Variants in TAMM41 observed in about 807,000 individuals in gnomAD.
TAMM41 encodes the protein TAM41 mitochondrial translocator assembly and maintenance homolog, also known as phosphatidate cytidylyltransferase, mitochondrial.
In TAMM41, 36 loss-of-function variants were observed where a neutral mutation model predicts 44.1. That is an observed-to-expected ratio of 0.82 (90% confidence interval 0.63 to 1.08). The LOEUF (loss-of-function observed/expected upper bound fraction) is 1.08, where lower values mean the gene tolerates loss of function less well. TAMM41 is among the 50% of genes least tolerant of loss of function. The pLI, the probability that TAMM41 is intolerant of heterozygous loss-of-function variation, is 0.00. For missense variants in TAMM41, 417 were observed against 404.3 expected (o/e 1.03, Z -0.27); for synonymous variants, 164 against 153.1 (o/e 1.07, Z -0.53).
chr3:11,732,292 C>T, the TAMM41 span, among the ~76,000 whole-genome samples: 2 of 150,682 alleles, frequency 1.3e-5, no homozygotes, highest in Non-Finnish European at 3.0e-5. Flanking sequence ...GCCTTCCTCC[C>T]TTTCTTCTTT....
chr3:11,763,622 T>A, the TAMM41 span, among the ~76,000 whole-genome samples: 1 of 152,222 alleles, frequency 6.6e-6, no homozygotes, highest in Non-Finnish European at 1.5e-5. Context: ...AGCCTCCAAC[T>A]AAGAAAATCA....
intron 4 of TAMM41, among the ~76,000 whole-genome samples, chr3:11,819,255 C>A (rs1333141249): frequency 6.6e-6 from 1 of 152,154 alleles, no homozygotes; most frequent in Non-Finnish European, 1.5e-5. Context: ...GTAACGTTTA[C>A]CGAGCATCTG....
At chr3:11,803,117 C>T (rs1220511385) in intron 7 of TAMM41, among the ~76,000 whole-genome samples, 1 of 152,100 alleles carries the variant, frequency 6.6e-6, no homozygotes, top group African/African-American at 2.4e-5. Context: ...ACTAAAAATA[C>T]AAAAATTAGC....
the TAMM41 span, among the ~76,000 whole-genome samples, chr3:11,729,747 AC>A: frequency 1.3e-5 from 2 of 150,954 alleles, no homozygotes; most frequent in Non-Finnish European, 3.0e-5. Flanking sequence ...TTTAGTAGAG[AC>A]AGAGTTTCAC....
the TAMM41 span, among the ~76,000 whole-genome samples, chr3:11,742,420 G>T: frequency 6.7e-6 from 1 of 150,330 alleles, no homozygotes; most frequent in Non-Finnish European, 1.5e-5. Flanking sequence ...GCATCAGTAG[G>T]CCTTTCCTTT....
chr3:11,807,352 T>C lies in TAMM41; in HGVS notation c.937+481A>G, dbSNP rs567951767. The C allele has an allele frequency of 1.5e-5, 22 of 1,476,392 alleles. No homozygotes were observed. The African/African-American group carries it at 2.1e-4, about 14-fold the overall frequency. 91.5% of individuals were successfully genotyped at this position (1,476,392 alleles called of 1,614,324 possible). On this transcript the variant is annotated intron_variant, in intron 7 of 7. Transcript: ENST00000455809. ...GCCAGAGTTGACTTCTAACCTCCCA[T>C]AGAGAGAAGTCAATAGATGATACCT... is the stretch of plus-strand genomic sequence containing the variant.
At chr3:11,749,952 C>T in the TAMM41 span, among the ~76,000 whole-genome samples, 1 of 149,982 alleles carries the variant, frequency 6.7e-6, no homozygotes, top group Admixed American at 6.7e-5. Context: ...GGCTGGAGTG[C>T]AGTGGCACGA....
chr3:11,788,464 C>CT (rs1341855253), downstream of TAMM41, among the ~76,000 whole-genome samples: 2 of 152,068 alleles, frequency 1.3e-5, no homozygotes, highest in Non-Finnish European at 2.9e-5. Flanking sequence ...TTGAAAAAAA[C>CT]TTTTTGTAGT....
At chr3:11,767,178 C>T in the TAMM41 span, among the ~76,000 whole-genome samples, 8 of 152,196 alleles carry the variant, frequency 5.3e-5, no homozygotes, top group South Asian at 2.1e-4. Flanking sequence ...AAGCAATTCT[C>T]GTGCCTCAGC....
intron 3 of TAMM41, among the ~76,000 whole-genome samples, chr3:11,833,712 C>T (rs2079071000): frequency 6.6e-6 from 1 of 152,214 alleles, no homozygotes; most frequent in Admixed American, 6.5e-5. Context: ...ATTTCAAACG[C>T]TAGCGGCCCA....
At chr3:11,781,236 C>A in the TAMM41 span, among the ~76,000 whole-genome samples, 1 of 152,216 alleles carries the variant, frequency 6.6e-6, no homozygotes, top group East Asian at 1.9e-4. Flanking sequence ...GACAGTTATA[C>A]AAGGAGTTGG....
At chr3:11,808,257 A>C in intron 6 of TAMM41, 3 of 1,074,118 alleles carry the variant, frequency 2.8e-6, no homozygotes, top group Non-Finnish European at 3.4e-6. Context: ...TAAAAACCAA[A>C]TGATTACATC....
At chr3:11,837,831 A>C (rs1460240975) in intron 3 of TAMM41, among the ~76,000 whole-genome samples, 3 of 152,048 alleles carry the variant, frequency 2.0e-5, no homozygotes, top group Admixed American at 6.6e-5. Context: ...CCTTCCCCCA[A>C]ATGGGTCAAC....
At chr3:11,835,106 CAAAG>C (rs1356830875) in intron 3 of TAMM41, among the ~76,000 whole-genome samples, 7 of 152,142 alleles carry the variant, frequency 4.6e-5, no homozygotes, top group African/African-American at 1.7e-4. Context: ...TTTTAAAACA[CAAAG>C]ATAAAGAATT....
At chr3:11,760,706 G>A in the TAMM41 span, among the ~76,000 whole-genome samples, 3 of 151,982 alleles carry the variant, frequency 2.0e-5, no homozygotes, top group Non-Finnish European at 2.9e-5. Flanking sequence ...GACTATAGGG[G>A]CCCGCCACCA....
chr3:11,795,523 TCTCC>T (rs1226264215), intron 7 of TAMM41, among the ~76,000 whole-genome samples: 1 of 152,204 alleles, frequency 6.6e-6, no homozygotes, highest in Non-Finnish European at 1.5e-5. Flanking sequence ...ATCTATTTGG[TCTCC>T]CTCGCAATAG....
At chr3:11,820,816 G>A (rs997752437) in intron 4 of TAMM41, among the ~76,000 whole-genome samples, 1 of 152,160 alleles carries the variant, frequency 6.6e-6, no homozygotes, top group Non-Finnish European at 1.5e-5. Context: ...CAGTACAATA[G>A]GCATCCAAAA....
At chr3:11,792,079 C>T (rs1237957047) in intron 7 of TAMM41, among the ~76,000 whole-genome samples, 1 of 152,144 alleles carries the variant, frequency 6.6e-6, no homozygotes, top group African/African-American at 2.4e-5. Context: ...GATGCATGGG[C>T]CATGATAATT....
At chr3:11,745,583 C>A in the TAMM41 span, among the ~76,000 whole-genome samples, 21 of 152,226 alleles carry the variant, frequency 1.4e-4, no homozygotes, top group African/African-American at 2.2e-4. Flanking sequence ...CACAAAAAAA[C>A]CAAATACTGT....
Sources: gnomAD v4.1 joint callset for allele counts (sites outside exome capture counted in the v4.1 genomes callset) on GRCh38, gnomAD v4.1.1 for gene constraint, MANE v1.5 for transcripts, NCBI Gene and HGNC (gene_info 2026-07-23, HGNC 2026-07-21) for gene names.